The following CCDC38 variants were observed in gnomAD, a reference collection of about 807,000 sequenced individuals.
CCDC38 encodes the protein coiled-coil domain-containing protein 38.
In CCDC38, 69 loss-of-function variants were observed where a neutral mutation model predicts 72.8. The ratio of observed to expected loss-of-function variants is 0.95; its 90% CI spans 0.78 to 1.16. The LOEUF (loss-of-function observed/expected upper bound fraction) is 1.16, where lower values mean the gene tolerates loss of function less well. Ranked by LOEUF, CCDC38 falls within the 50% of genes most tolerant of loss-of-function variation. CCDC38 has a pLI of 0.00. For synonymous variants in CCDC38, 201 were observed against 213.2 expected (o/e 0.94, Z 0.50); for missense variants, 626 against 638.9 (o/e 0.98, Z 0.22).
intron 7 of CCDC38, 129 bp downstream of exon 7, chr12:95,898,256 T>A: frequency 2.2e-6 from 2 of 909,182 alleles, no homozygotes; most frequent in East Asian, 2.4e-5. Context: ...ACTTATTTTT[T>A]AAAATTCGTT....
chr12:95,918,854 T>A, intron 3 of CCDC38, 22 bp downstream of exon 3: 1 of 1,467,826 alleles, frequency 6.8e-7, no homozygotes, highest in Non-Finnish European at 9.5e-7. Flanking sequence ...TAATTGGGGT[T>A]GTGATTTTAA....
At position 95,869,519 on chromosome 12, in the gene CCDC38, TTTTA is replaced by T; in HGVS notation, c.1535_1538del (p.Leu512GlnfsTer8). 1.2e-6 allele frequency: 2 copies of T among 1,613,718 alleles called. No individual in the cohort carries two copies. The highest frequency in any genetic ancestry group is 1.7e-6 in the Non-Finnish European group (2 of 1,179,890). On this transcript the variant is annotated frameshift_variant, in exon 15 of 16. Transcript: ENST00000344280. LOFTEE classifies it high-confidence loss of function. ...GTGCTACTGCTTTTTCCAGAGCAGC[TTTTA>T]GCCTTTCCTGTTGGTGTCTTTGTTT...
intron 10 of CCDC38, among the ~76,000 whole-genome samples, chr12:95,886,503 A>C (rs1268671936): frequency 1.3e-5 from 2 of 151,468 alleles, no homozygotes; most frequent in Non-Finnish European, 2.9e-5. Flanking sequence ...TCTGCAAAAG[A>C]CCCTATTAAG....
At chr12:95,937,305 A>T (rs2080404684) in intron 1 of CCDC38, among the ~76,000 whole-genome samples, 1 of 152,156 alleles carries the variant, frequency 6.6e-6, no homozygotes, top group African/African-American at 2.4e-5. Context: ...AAATTCTGTT[A>T]TTTCATTTAT....
intron 8 of CCDC38, among the ~76,000 whole-genome samples, chr12:95,891,458 A>C (rs552056971): frequency 1.3e-5 from 2 of 151,944 alleles, no homozygotes; most frequent in South Asian, 4.2e-4. Context: ...CCATCCTCCC[A>C]CCTCAGCCTC....
At chr12:95,883,946 T>C (rs577032883) in intron 10 of CCDC38, among the ~76,000 whole-genome samples, 53 of 152,312 alleles carry the variant, frequency 3.5e-4, no homozygotes, top group African/African-American at 1.2e-3. Flanking sequence ...TTTCTTAACT[T>C]GATAGAGTAT....
chr12:95,878,889 G>C (rs1330260537), intron 12 of CCDC38, among the ~76,000 whole-genome samples: 2 of 152,160 alleles, frequency 1.3e-5, no homozygotes, highest in Admixed American at 1.3e-4. Flanking sequence ...AATGGTAATG[G>C]GTAGCTGTGA....
At chr12:95,872,951 TA>T (rs1319399592) in intron 13 of CCDC38, among the ~76,000 whole-genome samples, 1 of 152,234 alleles carries the variant, frequency 6.6e-6, no homozygotes, top group Non-Finnish European at 1.5e-5. Context: ...GTCAGAGCAT[TA>T]CTATAGAACA....
chr12:95,892,081 C>CTT (rs67478657), intron 8 of CCDC38, among the ~76,000 whole-genome samples: 14,780 of 97,894 alleles, frequency 0.15, 1,433 homozygotes, highest in African/African-American at 0.24. Context: ...GATCACTCTG[C>CTT]TTTTTTTTTT....
At chr12:95,938,809 A>G (rs563421322) in intron 1 of CCDC38, among the ~76,000 whole-genome samples, 1 of 152,346 alleles carries the variant, frequency 6.6e-6, no homozygotes, top group East Asian at 1.9e-4. Flanking sequence ...TAAAAATAGC[A>G]TGATGGCTAA....
At position 95,879,875 on chromosome 12, in the gene CCDC38, T is replaced by A; in HGVS notation, c.991-80A>T. The A allele has an allele frequency of 9.1e-7, 1 of 1,093,624 alleles. No individual in the cohort carries two copies. Among genetic ancestry groups the A allele is most frequent in the Non-Finnish European group, 1.3e-6 (1 of 763,380 alleles). The allele number at this position is 1,093,624 out of a possible 1,614,324, so 67.7% of individuals were successfully genotyped here. ...CATGTGACTTATCTAGAAAATACAG[T>A]GGGGTAAAGGAAGACAGTTCTAAGG... On this transcript the variant is annotated intron_variant, in intron 11 of 15. Transcript: ENST00000344280. The surrounding 1 kb of genome is among the most constrained non-coding windows in gnomAD (Gnocchi z 5.5).
intron 4 of CCDC38, among the ~76,000 whole-genome samples, chr12:95,909,900 C>T (rs962680969): frequency 1.3e-5 from 2 of 152,094 alleles, no homozygotes; most frequent in African/African-American, 4.8e-5. Context: ...AGGAACATAC[C>T]TCAAAATACT....
intron 2 of CCDC38, chr12:95,934,672 A>C (rs529217671): frequency 6.8e-6 from 1 of 147,968 alleles, no homozygotes; most frequent in East Asian, 2.0e-4. Flanking sequence ...AGTTCCTTTT[A>C]TATCAGCAAA....
chr12:95,906,300 A>T, intron 5 of CCDC38, 87 bp downstream of exon 5: 1 of 973,100 alleles, frequency 1.0e-6, no homozygotes, highest in Non-Finnish European at 1.6e-6. Flanking sequence ...GACATGTAAT[A>T]GACAAGCAAA....
chr12:95,887,416 C>A (rs892672151), intron 10 of CCDC38, among the ~76,000 whole-genome samples: 1 of 152,162 alleles, frequency 6.6e-6, no homozygotes, highest in African/African-American at 2.4e-5. Context: ...GTATACTACT[C>A]ATCAATAAAA....
chr12:95,868,832 G>T (rs1211638677), intron 15 of CCDC38, among the ~76,000 whole-genome samples: 1 of 152,132 alleles, frequency 6.6e-6, no homozygotes, highest in Non-Finnish European at 1.5e-5. Context: ...GCAAAATAAA[G>T]AACTTTGGCT....
chr12:95,912,410 G>C (rs2080103546), intron 4 of CCDC38, among the ~76,000 whole-genome samples: 1 of 152,098 alleles, frequency 6.6e-6, no homozygotes, highest in African/African-American at 2.4e-5. Flanking sequence ...AGCTAAAAAA[G>C]TTGACCTCAT....
At chr12:95,888,709 T>C (rs987907672) in intron 9 of CCDC38, among the ~76,000 whole-genome samples, 3 of 152,190 alleles carry the variant, frequency 2.0e-5, no homozygotes, top group Non-Finnish European at 4.4e-5. Flanking sequence ...TTTTATTCTA[T>C]TGAAACTGAG....
chr12:95,943,216 C>A, upstream of CCDC38: 1 of 609,010 alleles, frequency 1.6e-6, no homozygotes, highest in Non-Finnish European at 2.6e-6. Flanking sequence ...GCCATTCTTG[C>A]AATGATTACC....
Sources: gnomAD v4.1 joint callset for allele counts (sites outside exome capture counted in the v4.1 genomes callset) on GRCh38, gnomAD v4.1.1 for gene constraint, Gnocchi (gnomAD v3.1) non-coding constraint, MANE v1.5 for transcripts, NCBI Gene and HGNC (gene_info 2026-07-23, HGNC 2026-07-21) for gene names.